The following MAF variants were observed in gnomAD, a reference collection of about 807,000 sequenced individuals.
The protein encoded by MAF is MAF bZIP transcription factor.
MAF carries 10 observed loss-of-function variants against 22.0 expected under a neutral mutation model. The ratio of observed to expected loss-of-function variants is 0.45; its 90% CI spans 0.28 to 0.77. The LOEUF (loss-of-function observed/expected upper bound fraction) is 0.77, where lower values mean the gene tolerates loss of function less well. MAF is among the 30% of genes least tolerant of loss of function. The pLI, the probability that MAF is intolerant of heterozygous loss-of-function variation, is 0.12. For missense variants in MAF, 544 were observed against 548.4 expected (o/e 0.99, Z 0.08); for synonymous variants, 337 against 255.8 (o/e 1.32, Z -3.03).
At chr16:79,573,277 G>A in the MAF span, among the ~76,000 whole-genome samples, 1 of 152,158 alleles carries the variant, frequency 6.6e-6, no homozygotes, top group Non-Finnish European at 1.5e-5. Context: ...AAATGCTTAT[G>A]TCATCAAACT....
the MAF span, among the ~76,000 whole-genome samples, chr16:79,379,999 G>C: frequency 3.9e-5 from 6 of 152,148 alleles, no homozygotes; most frequent in Admixed American, 6.5e-5. Context: ...ATAAGACACA[G>C]TTCTGCTTCA....
chr16:79,363,435 A>G, the MAF span, among the ~76,000 whole-genome samples: 2 of 152,230 alleles, frequency 1.3e-5, no homozygotes, highest in Non-Finnish European at 2.9e-5. Flanking sequence ...GTTGGGCAAA[A>G]TCATCTAACA....
the MAF span, among the ~76,000 whole-genome samples, chr16:79,301,077 G>T: frequency 1.3e-5 from 2 of 152,028 alleles, no homozygotes; most frequent in Non-Finnish European, 2.9e-5. Flanking sequence ...AAAACCAAGC[G>T]GAGTCTCAAC....
chr16:79,343,549 T>G, the MAF span, among the ~76,000 whole-genome samples: 1 of 152,200 alleles, frequency 6.6e-6, no homozygotes, highest in Non-Finnish European at 1.5e-5. Flanking sequence ...GAAAACAGAT[T>G]GCCTGGTCTG....
At chr16:79,338,338 C>A in the MAF span, among the ~76,000 whole-genome samples, 1 of 152,084 alleles carries the variant, frequency 6.6e-6, no homozygotes, top group Non-Finnish European at 1.5e-5. Context: ...GAGATCTCTA[C>A]CTTGAAAGTG....
chr16:79,301,671 A>G, the MAF span, among the ~76,000 whole-genome samples: 1 of 152,160 alleles, frequency 6.6e-6, no homozygotes, highest in Non-Finnish European at 1.5e-5. Context: ...GCATGCATAT[A>G]ATGTATTTTA....
the MAF span, among the ~76,000 whole-genome samples, chr16:79,230,480 G>C: frequency 6.6e-6 from 1 of 152,108 alleles, no homozygotes; most frequent in Non-Finnish European, 1.5e-5. Context: ...GAGCAAATTA[G>C]GTAAGACCAT....
the MAF span, among the ~76,000 whole-genome samples, chr16:79,215,693 G>C: frequency 2.6e-5 from 4 of 152,140 alleles, no homozygotes; most frequent in Non-Finnish European, 5.9e-5. Context: ...AAGTCATATA[G>C]ACCAAGGCTT....
chr16:79,269,007 G>C, the MAF span, among the ~76,000 whole-genome samples: 1 of 152,192 alleles, frequency 6.6e-6, no homozygotes, highest in African/African-American at 2.4e-5. Flanking sequence ...GCTCATAGTA[G>C]GTGTTTTGAT....
the MAF span, among the ~76,000 whole-genome samples, chr16:79,486,361 T>C: frequency 6.6e-6 from 1 of 152,258 alleles, no homozygotes; most frequent in Non-Finnish European, 1.5e-5. Flanking sequence ...AAAGTGATCT[T>C]AGATTCGCCC....
chr16:79,544,419 T>G, the MAF span, among the ~76,000 whole-genome samples: 2 of 152,052 alleles, frequency 1.3e-5, no homozygotes, highest in South Asian at 4.2e-4. Context: ...TGGAGGTATT[T>G]TGAGTGATTT....
At chr16:79,384,259 C>A in the MAF span, among the ~76,000 whole-genome samples, 1 of 151,868 alleles carries the variant, frequency 6.6e-6, no homozygotes, top group Admixed American at 6.5e-5. Context: ...GCCTGGCCAA[C>A]ATGGTGAAAC....
the MAF span, among the ~76,000 whole-genome samples, chr16:79,503,807 T>C: frequency 2.6e-5 from 4 of 152,234 alleles, no homozygotes; most frequent in African/African-American, 9.6e-5. Flanking sequence ...GGTTACTCCG[T>C]AGTCTTGACC....
chr16:79,221,813 G>T, the MAF span, among the ~76,000 whole-genome samples: 3 of 151,194 alleles, frequency 2.0e-5, no homozygotes, highest in Admixed American at 2.0e-4. Context: ...TTCAAAAACC[G>T]CATGAACAGA....
chr16:79,409,091 C>T, the MAF span, among the ~76,000 whole-genome samples: 5 of 151,948 alleles, frequency 3.3e-5, no homozygotes, highest in Middle Eastern at 6.8e-3. Context: ...TGTAGCAGGA[C>T]GGCATTGGAA....
At chr16:79,492,710 G>C in the MAF span, among the ~76,000 whole-genome samples, 1 of 152,176 alleles carries the variant, frequency 6.6e-6, no homozygotes, top group East Asian at 1.9e-4. Context: ...AACAACTATT[G>C]CTATATGCAA....
At chr16:79,473,478 G>T in the MAF span, among the ~76,000 whole-genome samples, 1 of 152,134 alleles carries the variant, frequency 6.6e-6, no homozygotes, top group Admixed American at 6.5e-5. Context: ...GTTGCCCTTT[G>T]CAAACAGTTG....
At chr16:79,590,467 G>T (rs537308114), downstream of MAF, among the ~76,000 whole-genome samples, 164 of 152,306 alleles carry the variant, frequency 1.1e-3, no homozygotes, top group African/African-American at 3.7e-3. Context: ...TCTGCCACTT[G>T]TTGGCCTGAG....
the MAF span, among the ~76,000 whole-genome samples, chr16:79,496,964 G>A: frequency 1.3e-5 from 2 of 152,230 alleles, no homozygotes; most frequent in East Asian, 3.9e-4. Context: ...GTAATTCTTG[G>A]TCTTGGTTGA....
Sources: allele counts gnomAD v4.1 joint callset (sites outside exome capture counted in the v4.1 genomes callset), GRCh38; gene constraint gnomAD v4.1.1; transcripts MANE v1.5; gene names NCBI Gene and HGNC (gene_info 2026-07-23, HGNC 2026-07-21).